The following KCNN2 variants were observed in gnomAD, a reference collection of about 807,000 sequenced individuals.
KCNN2 encodes the protein potassium calcium-activated channel subfamily N member 2.
KCNN2 carries 24 observed loss-of-function variants against 55.5 expected under a neutral mutation model. The ratio of observed to expected loss-of-function variants is 0.43; its 90% CI spans 0.31 to 0.61. KCNN2 has a LOEUF of 0.61. Ranked by LOEUF, KCNN2 falls within the 20% of genes least tolerant of loss-of-function variation. The pLI is 0.08. For missense variants in KCNN2, 754 were observed against 853.6 expected, an observed-to-expected ratio of 0.88 and a Z score of 1.45; for synonymous variants, 431 against 336.1, an observed-to-expected ratio of 1.28 and a Z score of -3.09.
chr5:114,489,246 G>A (rs1015314296), intron 6 of KCNN2, among the ~76,000 whole-genome samples: 5 of 152,058 alleles, frequency 3.3e-5, no homozygotes, highest in African/African-American at 7.2e-5. Flanking sequence ...GGTTTTTACC[G>A]TAAAATGCTT....
chr5:114,330,063 T>C lies in KCNN2; in HGVS notation c.-184-30882T>C, dbSNP rs370423737. Among the ~76,000 whole-genome samples, 4 of 152,216 alleles carry C rather than the reference T, an allele frequency of 2.6e-5. No individual in the cohort carries two copies. In the East Asian group the frequency reaches 7.7e-4, roughly 29 times the overall value. ...GCTCTCTTAGACACCAAAGCCCCTG[T>C]GTGTTACAGAATGTGTTGAAATAGC... On this transcript the variant is annotated intron_variant, in intron 2 of 10. Transcript: ENST00000512097.
chr5:114,225,176 G>A (rs2112596997), intron 2 of KCNN2, among the ~76,000 whole-genome samples: 1 of 152,226 alleles, frequency 6.6e-6, no homozygotes, highest in Non-Finnish European at 1.5e-5. Flanking sequence ...GAAGAATGTA[G>A]GTAACTTTGT....
intron 1 of KCNN2, among the ~76,000 whole-genome samples, chr5:114,102,251 A>AT (rs1751387961): frequency 6.6e-6 from 1 of 150,742 alleles, no homozygotes. Context: ...GTGTCTGTTC[A>AT]TATCCTTCAT....
intron 1 of KCNN2, among the ~76,000 whole-genome samples, chr5:114,094,826 T>C (rs1363585752): frequency 2.6e-5 from 4 of 152,152 alleles, no homozygotes; most frequent in Non-Finnish European, 5.9e-5. Context: ...GCTTGGAAAC[T>C]TAGGGTCCTC....
At chr5:114,394,670 G>A (rs1758564769) in intron 2 of KCNN2, among the ~76,000 whole-genome samples, 1 of 152,098 alleles carries the variant, frequency 6.6e-6, no homozygotes, top group African/African-American at 2.4e-5. Context: ...ATGGGTATGA[G>A]GCATGGGTTT....
chr5:114,066,876 G>A (rs1170980350), intron 1 of KCNN2, among the ~76,000 whole-genome samples: 2 of 152,168 alleles, frequency 1.3e-5, no homozygotes, highest in Non-Finnish European at 2.9e-5. Flanking sequence ...ACCGTGCCTG[G>A]CTATGATTCA....
chr5:114,387,505 T>C (rs1346063803), intron 2 of KCNN2, among the ~76,000 whole-genome samples: 1 of 150,056 alleles, frequency 6.7e-6, no homozygotes, highest in Non-Finnish European at 1.5e-5. Flanking sequence ...GTTTGAGAGC[T>C]TCAGTTAGAA....
At chr5:114,191,507 G>T (rs928599071) in intron 1 of KCNN2, among the ~76,000 whole-genome samples, 1 of 152,116 alleles carries the variant, frequency 6.6e-6, no homozygotes, top group Non-Finnish European at 1.5e-5. Context: ...TAAGGCATGT[G>T]GGAAGAAGTG....
intron 1 of KCNN2, among the ~76,000 whole-genome samples, chr5:114,080,095 G>A (rs772101259): frequency 1.3e-5 from 2 of 152,076 alleles, no homozygotes; most frequent in Admixed American, 1.3e-4. Context: ...GTCCCTTGGA[G>A]CTTCTTTCCT....
chr5:114,399,616 A>G (rs79749914), intron 2 of KCNN2, among the ~76,000 whole-genome samples: 6,693 of 152,212 alleles, frequency 0.044, 162 homozygotes, highest in Middle Eastern at 0.065. Context: ...GCCTCCTGGA[A>G]TGTGATAGGG....
At chr5:114,380,563 C>A (rs914346205) in intron 2 of KCNN2, among the ~76,000 whole-genome samples, 2 of 152,166 alleles carry the variant, frequency 1.3e-5, no homozygotes, top group African/African-American at 4.8e-5. Context: ...GGTAATAAGG[C>A]CCATCTCATG....
Position 114,078,500 on chromosome 5 carries a change from C to T in KCNN2, c.-271+22000C>T, listed in dbSNP as rs1022810557. Among the ~76,000 whole-genome samples, 7 of 152,170 alleles carry T rather than the reference C, an allele frequency of 4.6e-5. 1 individual carries two copies. The highest frequency in any genetic ancestry group is 4.1e-4 in the South Asian group (2 of 4,830). On this transcript the variant is annotated intron_variant, in intron 1 of 10. Coordinates refer to the KCNN2 transcript ENST00000512097. ...GGTACCATCCAGGATCCTTCCCTCA[C>T]GCTCTGAGCCCTGATGAAGACAGAT...
At chr5:114,074,589 G>A (rs749317472) in intron 1 of KCNN2, among the ~76,000 whole-genome samples, 3 of 152,168 alleles carry the variant, frequency 2.0e-5, no homozygotes, top group Non-Finnish European at 4.4e-5. Context: ...TAGGGGCAAT[G>A]AGACTGACCT....
intron 2 of KCNN2, among the ~76,000 whole-genome samples, chr5:114,355,677 T>C (rs149009429): frequency 1.3e-5 from 2 of 151,042 alleles, no homozygotes; most frequent in East Asian, 3.9e-4. Flanking sequence ...GGAACCAAAC[T>C]GGATGCCTGC....
At chr5:114,291,570 T>A (rs1229762713) in intron 2 of KCNN2, among the ~76,000 whole-genome samples, 2 of 152,158 alleles carry the variant, frequency 1.3e-5, no homozygotes, top group African/African-American at 4.8e-5. Context: ...GTGCCACATT[T>A]TCCTAATCCA....
At chr5:114,491,410 AG>A (rs1438612251) in intron 6 of KCNN2, among the ~76,000 whole-genome samples, 1 of 152,110 alleles carries the variant, frequency 6.6e-6, no homozygotes, top group African/African-American at 2.4e-5. Flanking sequence ...TTACGAAGAA[AG>A]GTAAAGGTAA....
At chr5:114,118,012 A>G (rs771753584) in intron 1 of KCNN2, among the ~76,000 whole-genome samples, 7 of 152,154 alleles carry the variant, frequency 4.6e-5, no homozygotes, top group Non-Finnish European at 7.3e-5. Flanking sequence ...AGATATAGCT[A>G]CAAAGAGGTG....
chr5:114,210,742 AAT>A (rs533597120), intron 1 of KCNN2, among the ~76,000 whole-genome samples: 164 of 152,326 alleles, frequency 1.1e-3, no homozygotes, highest in African/African-American at 3.7e-3. Context: ...CAAAGAGGTG[AAT>A]AGTTTATGCC....
At chr5:114,135,018 A>T (rs2112617528) in intron 1 of KCNN2, among the ~76,000 whole-genome samples, 1 of 150,758 alleles carries the variant, frequency 6.6e-6, no homozygotes, top group East Asian at 1.9e-4. Context: ...TAAAATAAAG[A>T]AATGTAGAAA....
Sources: gnomAD v4.1 joint callset for allele counts (sites outside exome capture counted in the v4.1 genomes callset) on GRCh38, gnomAD v4.1.1 for gene constraint, MANE v1.5 for transcripts, NCBI Gene and HGNC (gene_info 2026-07-23, HGNC 2026-07-21) for gene names.